Variants in PCDHGA1 observed in about 807,000 individuals in gnomAD.
The protein encoded by PCDHGA1 is protocadherin gamma-A1.
A neutral mutation model predicts 58.0 loss-of-function variants in PCDHGA1; 32 were observed. The ratio of observed to expected loss-of-function variants is 0.55; its 90% CI spans 0.42 to 0.74. The LOEUF is 0.74. Among genes scored for constraint, PCDHGA1 ranks in the 30% least tolerant of loss-of-function variants. The pLI, the probability that PCDHGA1 is intolerant of heterozygous loss-of-function variation, is 0.00. For missense variants in PCDHGA1, 1,205 were observed against 1,182.3 expected (o/e 1.02, Z -0.28); for synonymous variants, 498 against 501.1 (o/e 0.99, Z 0.08).
In PCDHGA1 at chr5:141,418,244, C is replaced by T. The variant is rs746986702; in HGVS notation, c.2422-76563C>T. 1.3e-5 allele frequency: 21 copies of T among 1,613,980 alleles called. No individual in the cohort carries two copies. The South Asian group carries it at 2.2e-4, about 17-fold the overall frequency. ...TGTGGTGATTGAGGATGTTAATGAC[C>T]ACGCCCCTCAATTCCGGAAAGATGA... is the stretch of plus-strand genomic sequence containing the variant. On this transcript the variant is annotated intron_variant, in intron 1 of 3. Transcript: ENST00000517417.
At chr5:141,394,376 C>G (rs1407081878) in intron 1 of PCDHGA1, 29 of 1,614,222 alleles carry the variant, frequency 1.8e-5, no homozygotes, top group Non-Finnish European at 2.5e-5. Flanking sequence ...AATCTTTCGA[C>G]TATGAGCAGA....
At chr5:141,356,141 T>C (rs1292907004) in intron 1 of PCDHGA1, 6 of 1,613,710 alleles carry the variant, frequency 3.7e-6, no homozygotes, top group Admixed American at 3.3e-5. Flanking sequence ...GACTCTGGAT[T>C]CTATGACATA....
intron 2 of PCDHGA1, among the ~76,000 whole-genome samples, chr5:141,503,351 C>T (rs1186394919): frequency 6.6e-6 from 1 of 151,994 alleles, no homozygotes; most frequent in Admixed American, 6.6e-5. Context: ...AATTCCAGCA[C>T]TTTGGGAAGC....
chr5:141,343,347 C>G, intron 1 of PCDHGA1: 1 of 982,074 alleles, frequency 1.0e-6, no homozygotes, highest in South Asian at 4.7e-5. Context: ...TGTCTCAGCT[C>G]TTAGAGAGTT....
intron 1 of PCDHGA1, chr5:141,428,390 C>T (rs1043799152): frequency 8.0e-5 from 40 of 502,004 alleles, no homozygotes; most frequent in African/African-American, 6.6e-4. Context: ...TCTTCCAGCC[C>T]CTCTGCCTGG....
intron 1 of PCDHGA1, chr5:141,417,708 G>C (rs1028054307): frequency 1.2e-4 from 152 of 1,227,878 alleles, no homozygotes; most frequent in East Asian, 4.9e-4. Context: ...CCACACAGAG[G>C]CTCCCGGCTG....
At chr5:141,357,174 C>T (rs1207950942) in intron 1 of PCDHGA1, 1 of 1,613,676 alleles carries the variant, frequency 6.2e-7, no homozygotes, top group Non-Finnish European at 8.5e-7. Context: ...CGGCCACCGT[C>T]ACACTCACTG....
At position 141,438,623 on chromosome 5, in the gene PCDHGA1, TATATATATATATAC is replaced by T. The variant is rs537048311; in HGVS notation, c.2422-56182_2422-56169del. Among the ~76,000 whole-genome samples the T allele has an allele frequency of 0.015, 646 of 42,812 alleles. 25 individuals are homozygous for T. In the East Asian group the frequency reaches 0.19, roughly 12 times the overall value. The allele number at this position is 42,812 out of a possible 152,430, so 28.1% of individuals were successfully genotyped here. A position where few individuals can be genotyped will look rare whatever the true frequency, so the allele number is the denominator to read the frequency against. On this transcript the variant is annotated intron_variant, in intron 1 of 3. Transcript: ENST00000517417. ...ATATATATATATATATATATATATA[TATATATATATATAC>T]ACACACACACACACATATATGTATA...
intron 1 of PCDHGA1, chr5:141,375,358 G>T: frequency 6.2e-7 from 1 of 1,613,810 alleles, no homozygotes; most frequent in Non-Finnish European, 8.5e-7. Flanking sequence ...TGACAGCCAC[G>T]GACAAAGGAA....
At position 141,486,691 on chromosome 5, in the gene PCDHGA1, T is replaced by C. The variant is rs778748447; in HGVS notation, c.2422-8116T>C. 8 of 1,614,024 alleles carry C rather than the reference T, an allele frequency of 5.0e-6. No individual in the cohort carries two copies. The highest frequency in any genetic ancestry group is 1.3e-5 in the African/African-American group (1 of 74,922). The stretch of plus-strand genomic sequence containing the variant: ...GGAATCGAGATGTATCAGCTTCCTC[T>C]TTCATCTCTCTGAACCCCCAGACAG... On this transcript the variant is annotated intron_variant, in intron 1 of 3. Coordinates refer to ENST00000517417, the MANE Select transcript of PCDHGA1 (RefSeq NM_018912.3). The surrounding 1 kb of genome is among the most constrained non-coding windows in gnomAD (Gnocchi z 5.0).
At chr5:141,347,280 A>G (rs1757946622) in intron 1 of PCDHGA1, among the ~76,000 whole-genome samples, 1 of 151,726 alleles carries the variant, frequency 6.6e-6, no homozygotes, top group Admixed American at 6.6e-5. Context: ...CAGCCTCCCG[A>G]GTAGCTGGGA....
At chr5:141,408,036 A>C in intron 1 of PCDHGA1, 1 of 1,132,834 alleles carries the variant, frequency 8.8e-7, no homozygotes, top group Non-Finnish European at 1.2e-6. Flanking sequence ...GAAGAAAACC[A>C]GCTCCCACAC....
rs373418210 is a variant in PCDHGA1, at chr5:141,357,669, G to A, written c.2421+24564G>A. 7.4e-4 allele frequency: 1,188 copies of A among 1,597,338 alleles called. 1 individual carries two copies. The highest frequency in any genetic ancestry group is 1.1e-3 in the Admixed American group (63 of 57,898). On this transcript the variant is annotated intron_variant, in intron 1 of 3. Coordinates refer to ENST00000517417, the MANE Select transcript of PCDHGA1 (RefSeq NM_018912.3). The stretch of plus-strand genomic sequence containing the variant: ...CATACCACACTGAAATATAGACAAA[G>A]AGTTGTGTAAATGTCTCTCATTTTA...
intron 1 of PCDHGA1, chr5:141,384,324 T>C (rs373247436): frequency 6.2e-7 from 1 of 1,613,862 alleles, no homozygotes; most frequent in Non-Finnish European, 8.5e-7. Flanking sequence ...TCTTAGTGAC[T>C]GCACAGGACC....
intron 1 of PCDHGA1, chr5:141,355,055 C>A (rs916093092): frequency 2.3e-5 from 28 of 1,224,238 alleles, no homozygotes; most frequent in Non-Finnish European, 2.8e-5. Context: ...AAAGCACTGG[C>A]TCTGGAGCTT....
At position 141,490,908 on chromosome 5, in the gene PCDHGA1, C is replaced by G; in HGVS notation, c.2422-3899C>G. On this transcript the variant is annotated intron_variant, in intron 1 of 3. Transcript: ENST00000517417. This position sits in a 1 kb window ranked among gnomAD's most constrained non-coding sequence, Gnocchi z 5.4. ...CATCTCTGCATGTGTTTGTCCTAGA[C>G]GAGAATGATAATGCCCCAGCTGTGC... The G allele has an allele frequency of 6.2e-7, 1 of 1,613,710 alleles. No individual in the cohort carries two copies. Among genetic ancestry groups the G allele is most frequent in the Non-Finnish European group, 8.5e-7 (1 of 1,179,754 alleles).
chr5:141,355,538 C>T lies in PCDHGA1; in HGVS notation c.2421+22433C>T, dbSNP rs757292300. On this transcript the variant is annotated intron_variant, in intron 1 of 3. Coordinates refer to ENST00000517417, the MANE Select transcript of PCDHGA1 (RefSeq NM_018912.3). ...AACCTGGAGATTCTTCTAGAAGATA[C>T]AGTGAAGATTTTGCGGGTAGAGGTG... The T allele has an allele frequency of 6.2e-6, 10 of 1,614,004 alleles. No individual in the cohort carries two copies. The South Asian group carries it at 7.7e-5, about 12-fold the overall frequency.
In PCDHGA1 at chr5:141,512,267, G is replaced by C. The variant is rs2099884152; in HGVS notation, c.*1094G>C. On this transcript the variant is annotated 3_prime_UTR_variant, in exon 4 of 4. Coordinates refer to ENST00000517417, the MANE Select transcript of PCDHGA1 (RefSeq NM_018912.3). ...GCCTCTGTGGGTGCTGGGTACTCCA[G>C]AGGTGCCACTGGTGGAAGGGTCAGC... 2.6e-5 allele frequency: 4 copies of C among 152,744 alleles called. No homozygotes were observed. Among genetic ancestry groups the C allele is most frequent in the Admixed American group, 2.6e-4 (4 of 15,290 alleles). 9.5% of individuals were successfully genotyped at this position (152,744 alleles called of 1,614,324 possible). A position where few individuals can be genotyped will look rare whatever the true frequency, so the allele number is the denominator to read the frequency against.
intron 1 of PCDHGA1, among the ~76,000 whole-genome samples, chr5:141,463,783 C>T (rs1395035313): frequency 1.3e-5 from 2 of 152,138 alleles, no homozygotes; most frequent in African/African-American, 4.8e-5. Flanking sequence ...CCTGCACTGT[C>T]TTTTGAACAA....
Sources: gnomAD v4.1 joint callset for allele counts (sites outside exome capture counted in the v4.1 genomes callset) on GRCh38, gnomAD v4.1.1 for gene constraint, Gnocchi (gnomAD v3.1) non-coding constraint, MANE v1.5 for transcripts, NCBI Gene and HGNC (gene_info 2026-07-23, HGNC 2026-07-21) for gene names.